Variants in PPP1R13B observed in about 807,000 individuals in gnomAD.
The protein encoded by PPP1R13B is protein phosphatase 1 regulatory subunit 13B.
A neutral mutation model predicts 119.8 loss-of-function variants in PPP1R13B; 44 were observed. The observed-to-expected ratio is 0.37, with a 90% confidence interval of 0.29 to 0.47. The LOEUF is 0.47. PPP1R13B is among the 20% of genes least tolerant of loss of function. The pLI is 0.99. For synonymous variants in PPP1R13B, 542 were observed against 561.5 expected, an observed-to-expected ratio of 0.97 and a Z score of 0.49; for missense variants, 1,227 against 1,413.5, an observed-to-expected ratio of 0.87 and a Z score of 2.12.
rs190824307 is a variant in PPP1R13B, at chr14:103,827,639, A to T, written c.9+19660T>A. On this transcript the variant is annotated intron_variant, in intron 1 of 16. Transcript: ENST00000202556. ...TATAATACTATAGATATATAGTATT[A>T]TAAAGTATATATAATACTATAGATA... 4.8e-3 allele frequency among the ~76,000 whole-genome samples: 709 copies of T among 148,620 alleles called. 2 individuals are homozygous for T. Among genetic ancestry groups the T allele is most frequent in the South Asian group, 0.016 (75 of 4,770 alleles).
chr14:103,756,847 C>T (rs1426825509), intron 5 of PPP1R13B, among the ~76,000 whole-genome samples: 2 of 152,132 alleles, frequency 1.3e-5, no homozygotes, highest in African/African-American at 4.8e-5. Flanking sequence ...CAAGCTCTGC[C>T]TCCTGGGTTC....
At chr14:103,832,685 A>G (rs2086687071) in intron 1 of PPP1R13B, among the ~76,000 whole-genome samples, 1 of 152,144 alleles carries the variant, frequency 6.6e-6, no homozygotes, top group South Asian at 2.1e-4. Context: ...TCAGCTGGGC[A>G]TGGTGGCCCA....
rs1442941678 is a variant in PPP1R13B, at chr14:103,738,929, G to C, written c.2687C>G (p.Ser896Cys). ...CACCAGATCGAACTCTCCTTCCAGA[G>C]ACGCGTCTAGGAGCAGTGCCAGGGG... ...FNPLALLLDA[S>C]LEGEFDLVQR... The change falls in exon 13 of 17, where the codon TCT becomes TGT. Residue 896 changes from serine (S) to cysteine (C), a missense_variant. Ser to Cys is a moderately radical substitution (Grantham distance 112). Coordinates refer to ENST00000202556, the MANE Select transcript of PPP1R13B (RefSeq NM_015316.3). The surrounding 1 kb of genome is among the most constrained non-coding windows in gnomAD (Gnocchi z 5.6). The C allele has an allele frequency of 6.2e-7, 1 of 1,614,120 alleles. No homozygotes were observed. The highest frequency in any genetic ancestry group is 1.7e-5 in the Admixed American group (1 of 60,032).
chr14:103,783,026 G>A (rs11620821), intron 3 of PPP1R13B, among the ~76,000 whole-genome samples: 3 of 151,192 alleles, frequency 2.0e-5, no homozygotes, highest in Non-Finnish European at 3.0e-5. Flanking sequence ...GGCTGGTCTC[G>A]AACTCTTGAC....
chr14:103,762,507 G>A (rs1157244334), intron 4 of PPP1R13B, among the ~76,000 whole-genome samples: 17 of 150,532 alleles, frequency 1.1e-4, no homozygotes. Flanking sequence ...TAAATGACGA[G>A]TTAATGGGTG....
chr14:103,741,745 A>G (rs994883625), intron 11 of PPP1R13B, 45 bp downstream of exon 11: 2 of 1,553,668 alleles, frequency 1.3e-6, no homozygotes, highest in Non-Finnish European at 1.7e-6. Flanking sequence ...AATTAAAAGT[A>G]TAATTTCCTA....
intron 4 of PPP1R13B, among the ~76,000 whole-genome samples, chr14:103,762,397 TA>T (rs916183631): frequency 1.3e-4 from 18 of 143,746 alleles, no homozygotes; most frequent in African/African-American, 4.7e-4. Flanking sequence ...TCAGCCAAAT[TA>T]CTTCATTATG....
intron 1 of PPP1R13B, chr14:103,804,181 G>T: frequency 2.7e-6 from 1 of 371,602 alleles, no homozygotes; most frequent in Non-Finnish European, 3.7e-6. Flanking sequence ...GACACACAGT[G>T]GTGCTCAAGA....
upstream of PPP1R13B, chr14:103,847,707 G>A: frequency 2.5e-6 from 2 of 809,996 alleles, no homozygotes; most frequent in Non-Finnish European, 3.0e-6. Context: ...GGGGCTTCCC[G>A]GCTCCGCCCG....
chr14:103,824,039 C>CTTTTTTTTTTTTT (rs35194586), intron 1 of PPP1R13B, among the ~76,000 whole-genome samples: 1 of 75,112 alleles, frequency 1.3e-5, no homozygotes, highest in Non-Finnish European at 2.4e-5. Flanking sequence ...CTACCTCATC[C>CTTTTTTTTTTTTT]TTTTTTTTTT....
At chr14:103,799,447 G>C (rs986295247) in intron 1 of PPP1R13B, among the ~76,000 whole-genome samples, 3 of 152,008 alleles carry the variant, frequency 2.0e-5, no homozygotes, top group Non-Finnish European at 4.4e-5. Context: ...CAAAATGCTG[G>C]GATTACAGGC....
At chr14:103,792,114 C>A (rs1221031506) in intron 2 of PPP1R13B, among the ~76,000 whole-genome samples, 1 of 151,258 alleles carries the variant, frequency 6.6e-6, no homozygotes, top group East Asian at 1.9e-4. Flanking sequence ...AAATTAAAAC[C>A]CATTTTGTCT....
chr14:103,774,156 T>C (rs532959382), intron 4 of PPP1R13B, among the ~76,000 whole-genome samples: 18 of 152,314 alleles, frequency 1.2e-4, no homozygotes, highest in Middle Eastern at 3.4e-3. Context: ...AAATTGATCA[T>C]AGAACTACAT....
At chr14:103,835,148 T>C (rs980666626) in intron 1 of PPP1R13B, among the ~76,000 whole-genome samples, 3 of 152,052 alleles carry the variant, frequency 2.0e-5, no homozygotes, top group Admixed American at 1.3e-4. Flanking sequence ...CTGTACTCTG[T>C]ACAGCCTGTA....
At chr14:103,782,061 G>C (rs1173725464) in intron 3 of PPP1R13B, among the ~76,000 whole-genome samples, 1 of 152,014 alleles carries the variant, frequency 6.6e-6, no homozygotes, top group Non-Finnish European at 1.5e-5. Flanking sequence ...AAATCAAAAA[G>C]AACAAAGAGG....
rs185526429 is a variant in PPP1R13B at position 103,809,678 on chromosome 14, C to G, written c.10-12160G>C. Among the ~76,000 whole-genome samples, 92 of 151,978 alleles carry G rather than the reference C, an allele frequency of 6.1e-4. No homozygotes were observed. In the Middle Eastern group the frequency reaches 0.014, roughly 22 times the overall value. On this transcript the variant is annotated intron_variant, in intron 1 of 16. Coordinates refer to ENST00000202556, the MANE Select transcript of PPP1R13B (RefSeq NM_015316.3). Reference sequence around the variant, plus strand: ...TCTACAAAAAGCACAAAAAATTAGCCAGGCATGGTAGTATATGCCAGTAGT... The same window carrying G: ...TCTACAAAAAGCACAAAAAATTAGCGAGGCATGGTAGTATATGCCAGTAGT...
Position 103,784,889 on chromosome 14 carries a change from C to T in PPP1R13B, c.183G>A (p.Met61Ile). 6.2e-7 allele frequency: 1 copy of T among 1,603,568 alleles called. No individual in the cohort carries two copies. ...GNERPIPFDH[M>I]MYEHLQKWGP... ...CCCATTTCTGAAGATGTTCGTACAT[C>T]ATATGATCAAAGGGTATGGGACGTT... Residue 61 changes from methionine to isoleucine, a missense_variant, in exon 3 of 17, where the codon ATG (methionine) becomes ATA (isoleucine). Met to Ile is a conservative substitution (Grantham distance 10). Transcript: ENST00000202556.
At chr14:103,776,996 AT>A (rs2085216709) in intron 4 of PPP1R13B, among the ~76,000 whole-genome samples, 2 of 151,934 alleles carry the variant, frequency 1.3e-5, no homozygotes, top group African/African-American at 4.8e-5. Context: ...ATACACCAAC[AT>A]TTCGGCTTTT....
intron 2 of PPP1R13B, among the ~76,000 whole-genome samples, chr14:103,795,032 C>T (rs2085725633): frequency 6.6e-6 from 1 of 152,186 alleles, no homozygotes; most frequent in Non-Finnish European, 1.5e-5. Context: ...CAACCTCCGC[C>T]TCCGGGTTTC....
Sources: allele counts gnomAD v4.1 joint callset (sites outside exome capture counted in the v4.1 genomes callset), GRCh38; gene constraint gnomAD v4.1.1; non-coding constraint Gnocchi (gnomAD v3.1); transcripts MANE v1.5; gene names NCBI Gene and HGNC (gene_info 2026-07-23, HGNC 2026-07-21).